The following GPAT3 variants were observed in gnomAD, a reference collection of about 807,000 sequenced individuals.
The protein encoded by GPAT3 is 1-AGP acyltransferase 9.
GPAT3 carries 53 observed loss-of-function variants against 58.8 expected under a neutral mutation model. The observed-to-expected ratio is 0.90, with a 90% CI of 0.72 to 1.13. The LOEUF (loss-of-function observed/expected upper bound fraction) is 1.13. Among genes scored for constraint, GPAT3 ranks in the 50% most tolerant of loss-of-function variants. The pLI is 0.00. For synonymous variants in GPAT3, 197 were observed against 187.4 expected, an observed-to-expected ratio of 1.05 and a Z score of -0.42; for missense variants, 511 against 527.6, an observed-to-expected ratio of 0.97 and a Z score of 0.31.
chr4:83,536,102 G>A (rs1004231837), upstream of GPAT3: 13 of 985,472 alleles, frequency 1.3e-5, no homozygotes, highest in African/African-American at 2.3e-4. Flanking sequence ...GCGCCCGAGC[G>A]CAGCCAGCTT....
At chr4:83,586,372 G>A (rs1438415186) in intron 3 of GPAT3, among the ~76,000 whole-genome samples, 4 of 152,122 alleles carry the variant, frequency 2.6e-5, no homozygotes, top group Admixed American at 2.6e-4. Flanking sequence ...TTCTGATACT[G>A]CAGGGGTGGT....
chr4:83,598,690 T>C lies in GPAT3; in HGVS notation c.1172T>C (p.Ile391Thr), dbSNP rs1726941276. The change falls in exon 11 of 12, where the codon ATT becomes ACT. Residue 391 changes from isoleucine (I) to threonine (T), a missense_variant. Ile to Thr is a moderately conservative substitution (Grantham distance 89, BLOSUM62 -1). Transcript: ENST00000264409. The part of the protein sequence containing the change: ...VQFANRVKSA[I>T]AIQGGLTELP... ...TTTGCTAACAGGGTTAAGTCTGCTATTGCTATACAAGGAGGCCTGACTGAA... is the reference window on the plus strand; with the variant it reads ...TTTGCTAACAGGGTTAAGTCTGCTACTGCTATACAAGGAGGCCTGACTGAA... The C allele has an allele frequency of 6.2e-7, 1 of 1,605,008 alleles. No individual in the cohort carries two copies. The highest frequency in any genetic ancestry group is 8.5e-7 in the Non-Finnish European group (1 of 1,176,244).
intron 2 of GPAT3, among the ~76,000 whole-genome samples, chr4:83,572,506 T>C (rs1725646112): frequency 6.6e-6 from 1 of 152,204 alleles, no homozygotes; most frequent in Admixed American, 6.5e-5. Context: ...TTTGTGTAAG[T>C]ATTTTTCAAT....
chr4:83,587,973 T>A (rs1205318138), intron 4 of GPAT3, among the ~76,000 whole-genome samples: 1 of 152,146 alleles, frequency 6.6e-6, no homozygotes, highest in East Asian at 1.9e-4. Context: ...AGCCTAGTGG[T>A]TTTGAGCCAC....
chr4:83,549,199 T>G (rs1249715566), intron 2 of GPAT3, among the ~76,000 whole-genome samples: 1 of 151,800 alleles, frequency 6.6e-6, no homozygotes, highest in African/African-American at 2.4e-5. Context: ...AGGAATATTT[T>G]TATATACTTA....
At chr4:83,598,462 AACAAT>A (rs1384576334) in intron 10 of GPAT3, 177 bp from the exon 11 acceptor site, 1 of 728,138 alleles carries the variant, frequency 1.4e-6, no homozygotes, top group Non-Finnish European at 2.3e-6. Flanking sequence ...TAAAAAATTA[AACAAT>A]ACAACACTGC....
rs553540843 is a variant in GPAT3, at chr4:83,547,338, C to T, written c.208+2736C>T. Among the ~76,000 whole-genome samples the T allele has an allele frequency of 4.2e-3, 629 of 149,594 alleles. 7 individuals carry two copies. The highest frequency in any genetic ancestry group is 6.7e-3 in the Non-Finnish European group (451 of 67,424). ...CGGGATCTCGGCTCACTGCAAGCTC[C>T]GCCTCCCAGATTCACGCCATTCTCC... On this transcript the variant is annotated intron_variant, in intron 2 of 11. Transcript: ENST00000264409.
chr4:83,602,880 A>G (rs926412953), intron 11 of GPAT3, among the ~76,000 whole-genome samples: 1 of 152,228 alleles, frequency 6.6e-6, no homozygotes, highest in Admixed American at 6.5e-5. Flanking sequence ...GGACCTAACA[A>G]CAATTTATAA....
At chr4:83,576,586 G>C (rs1725827583) in intron 2 of GPAT3, among the ~76,000 whole-genome samples, 1 of 151,980 alleles carries the variant, frequency 6.6e-6, no homozygotes, top group Non-Finnish European at 1.5e-5. Context: ...TGGAATTACA[G>C]GTGTGTGGCA....
Position 83,588,283 on chromosome 4 carries a change from A to T in GPAT3, c.628A>T (p.Ile210Phe), listed in dbSNP as rs1726463834. 6.2e-7 allele frequency: 1 copy of T among 1,606,740 alleles called. No homozygotes were observed. Among genetic ancestry groups the T allele is most frequent in the Non-Finnish European group, 8.5e-7 (1 of 1,178,534 alleles). Residue 210 changes from isoleucine (I) to phenylalanine (F), a missense_variant, in exon 5 of 12, where the codon ATT becomes TTT. Physicochemically the swap from Ile to Phe is conservative, Grantham distance 21. Coordinates refer to ENST00000264409, the MANE Select transcript of GPAT3 (RefSeq NM_032717.5). Reference sequence around the variant, plus strand: ...CTGTGTGCGAGCCCTCTCTGGTACCATTCATTATCATAACAAGTGAGTATC... The same window carrying T: ...CTGTGTGCGAGCCCTCTCTGGTACCTTTCATTATCATAACAAGTGAGTATC... ...RICVRALSGT[I>F]HYHNKQYRPQ... is the part of the protein sequence containing the mutation.
At position 83,600,839 on chromosome 4, in the gene GPAT3, T is replaced by C. The variant is rs974954189; in HGVS notation, c.1205+2116T>C. Among the ~76,000 whole-genome samples, 5 of 152,148 alleles carry C rather than the reference T, an allele frequency of 3.3e-5. No homozygotes were observed. The South Asian group carries it at 1.0e-3, about 32-fold the overall frequency. On this transcript the variant is annotated intron_variant, in intron 11 of 11. Transcript: ENST00000264409. ...TCTTATTTACATACAGGATGTTAAATTAGCAGGCTGTCACAAAACAGTCTA... is the reference window on the plus strand; with the variant it reads ...TCTTATTTACATACAGGATGTTAAACTAGCAGGCTGTCACAAAACAGTCTA...
At chr4:83,586,335 T>C (rs1726375115) in intron 3 of GPAT3, among the ~76,000 whole-genome samples, 2 of 152,310 alleles carry the variant, frequency 1.3e-5, no homozygotes, top group South Asian at 2.1e-4. Flanking sequence ...AGGCAACCAC[T>C]GTAGCTTCCC....
chr4:83,552,198 A>G (rs367890061), intron 2 of GPAT3, among the ~76,000 whole-genome samples: 141 of 152,274 alleles, frequency 9.3e-4, no homozygotes, highest in African/African-American at 3.3e-3. Context: ...TGGATTGGGT[A>G]ATTCTTTGTC....
Position 83,598,733 on chromosome 4 carries a change from C to A in GPAT3, c.1205+10C>A. On this transcript the variant is annotated intron_variant, in intron 11 of 11. Coordinates refer to ENST00000264409, the MANE Select transcript of GPAT3 (RefSeq NM_032717.5). ...TGACTGAACTTCCCTGGTAAGAGAA[C>A]TTTCAGAAGTACTATCACTTTTTTT... 2 of 458,610 alleles carry A rather than the reference C, an allele frequency of 4.4e-6. No homozygotes were observed. Among genetic ancestry groups the A allele is most frequent in the African/African-American group, 2.8e-5 (1 of 36,304 alleles). 28.4% of individuals were successfully genotyped at this position (458,610 alleles called of 1,614,324 possible). A position where few individuals can be genotyped will look rare whatever the true frequency, so the allele number is the denominator to read the frequency against.
rs764010997 is a variant in GPAT3, at chr4:83,587,337, G to A, written c.554+8G>A. ...GCAGCTGCCAGACAGCAGGTGAAATGTTTCCTTCCATCCAGCCATATATAG... is the reference window on the plus strand; with the variant it reads ...GCAGCTGCCAGACAGCAGGTGAAATATTTCCTTCCATCCAGCCATATATAG... On this transcript the variant is annotated splice_region_variant and intron_variant, in intron 4 of 11. Coordinates refer to ENST00000264409, the MANE Select transcript of GPAT3 (RefSeq NM_032717.5). The A allele has an allele frequency of 5.0e-6, 8 of 1,610,800 alleles. No homozygotes were observed. Among genetic ancestry groups the A allele is most frequent in the Middle Eastern group, 1.6e-4 (1 of 6,072 alleles).
intron 11 of GPAT3, among the ~76,000 whole-genome samples, chr4:83,599,884 T>C (rs1340736974): frequency 1.3e-5 from 2 of 152,184 alleles, no homozygotes; most frequent in Non-Finnish European, 2.9e-5. Flanking sequence ...TATATGTACA[T>C]AGCTATGATA....
At chr4:83,544,480 T>G (rs374979476) in intron 1 of GPAT3, 56 bp from the exon 2 acceptor site, 9 of 1,512,374 alleles carry the variant, frequency 6.0e-6, no homozygotes, top group Non-Finnish European at 8.3e-6. Context: ...ATGGTTGAAG[T>G]GTTTTATGTT....
chr4:83,595,010 C>A, intron 7 of GPAT3, 50 bp downstream of exon 7: 1 of 1,521,336 alleles, frequency 6.6e-7, no homozygotes, highest in South Asian at 1.1e-5. Context: ...AAAAGCTGAC[C>A]AATCTTGGCC....
chr4:83,562,582 G>C (rs886814880), intron 2 of GPAT3, among the ~76,000 whole-genome samples: 11 of 152,064 alleles, frequency 7.2e-5, no homozygotes, highest in African/African-American at 2.7e-4. Flanking sequence ...TGGCGAAGAA[G>C]TCAGGACTAT....
Sources: allele counts gnomAD v4.1 joint callset (sites outside exome capture counted in the v4.1 genomes callset), GRCh38; gene constraint gnomAD v4.1.1; transcripts MANE v1.5; gene names NCBI Gene and HGNC (gene_info 2026-07-23, HGNC 2026-07-21).